SORL1: variants seen among roughly 807,000 people sequenced by gnomAD.
The protein encoded by SORL1 is sortilin-related receptor.
SORL1 carries 127 observed loss-of-function variants against 273.7 expected under a neutral mutation model. That is an observed-to-expected ratio of 0.46 (90% CI 0.40 to 0.54). The LOEUF (loss-of-function observed/expected upper bound fraction) is 0.54, where lower values mean the gene tolerates loss of function less well. SORL1 is among the 20% of genes least tolerant of loss of function. The pLI, the probability that SORL1 is intolerant of heterozygous loss-of-function variation, is 0.00. For missense variants in SORL1, 2,494 were observed against 2,846.1 expected (o/e 0.88, Z 2.81); for synonymous variants, 1,031 against 1,067.4 (o/e 0.97, Z 0.66).
At chr11:121,513,241 A>G in intron 7 of SORL1, 137 bp downstream of exon 7, 1 of 694,860 alleles carries the variant, frequency 1.4e-6, no homozygotes, top group Admixed American at 2.1e-5. Context: ...TAGAGAGTGC[A>G]GCTATGCTTT....
chr11:121,589,458 G>T, intron 29 of SORL1, 68 bp downstream of exon 29: 2 of 1,585,242 alleles, frequency 1.3e-6, no homozygotes, highest in Non-Finnish European at 1.7e-6. Flanking sequence ...CAGTTACAGG[G>T]ACACTCACCG....
chr11:121,625,035 G>A, intron 45 of SORL1, 50 bp from the exon 46 acceptor site: 1 of 1,363,782 alleles, frequency 7.3e-7, no homozygotes, highest in Non-Finnish European at 1.0e-6. Flanking sequence ...AATAGAGGCT[G>A]TCAGTTTCCA....
At chr11:121,602,985 A>G (rs1378680738) in intron 32 of SORL1, among the ~76,000 whole-genome samples, 2 of 152,182 alleles carry the variant, frequency 1.3e-5, no homozygotes, top group Non-Finnish European at 2.9e-5. Context: ...TTTCAAAGCC[A>G]GTGATGTTGC....
intron 41 of SORL1, among the ~76,000 whole-genome samples, chr11:121,615,597 A>G (rs759186323): frequency 1.3e-5 from 2 of 152,148 alleles, no homozygotes; most frequent in Non-Finnish European, 2.9e-5. Context: ...GATTTTCTCA[A>G]TGGAAAAGCA....
intron 44 of SORL1, among the ~76,000 whole-genome samples, chr11:121,621,694 G>A (rs1355451959): frequency 6.6e-6 from 1 of 152,216 alleles, no homozygotes; most frequent in Non-Finnish European, 1.5e-5. Flanking sequence ...CAAGTTCAGA[G>A]AGCTGGTAGT....
chr11:121,515,881 A>G (rs1238252978), intron 8 of SORL1, among the ~76,000 whole-genome samples: 1 of 152,140 alleles, frequency 6.6e-6, no homozygotes. Flanking sequence ...TCCTGACCTC[A>G]AGTGATCTGC....
intron 12 of SORL1, among the ~76,000 whole-genome samples, chr11:121,541,500 ACGCCTAGCCAAAT>A (rs1862349904): frequency 6.6e-6 from 1 of 152,174 alleles, no homozygotes; most frequent in Non-Finnish European, 1.5e-5. Context: ...ATGTGCCACC[ACGCCTAGCCAAAT>A]CGATTTTAAT....
chr11:121,579,014 T>C (rs1211750601), intron 25 of SORL1, among the ~76,000 whole-genome samples: 1 of 152,250 alleles, frequency 6.6e-6, no homozygotes, highest in African/African-American at 2.4e-5. Flanking sequence ...CACTTGGACA[T>C]TGCAGTTTGT....
At chr11:121,626,388 A>G (rs1333144519) in intron 46 of SORL1, 1 of 148,682 alleles carries the variant, frequency 6.7e-6, no homozygotes, top group Non-Finnish European at 1.5e-5. Flanking sequence ...AGCCGCACAC[A>G]CCCCCTTCAT....
chr11:121,579,862 G>A (rs1183675681), intron 25 of SORL1, among the ~76,000 whole-genome samples: 1 of 152,172 alleles, frequency 6.6e-6, no homozygotes, highest in African/African-American at 2.4e-5. Flanking sequence ...AGGAGTCTAT[G>A]AGTGGCAAAC....
chr11:121,456,981 C>A (rs777514705), intron 1 of SORL1, among the ~76,000 whole-genome samples: 3 of 152,136 alleles, frequency 2.0e-5, no homozygotes, highest in Non-Finnish European at 4.4e-5. Flanking sequence ...CTGTGTGCTT[C>A]CAGAATAAGA....
chr11:121,514,541 G>C (rs1382227327), intron 8 of SORL1, among the ~76,000 whole-genome samples: 1 of 151,412 alleles, frequency 6.6e-6, no homozygotes, highest in Admixed American at 6.7e-5. Context: ...TGATTCTTAC[G>C]TGCAGCCAAG....
intron 21 of SORL1, among the ~76,000 whole-genome samples, chr11:121,562,442 A>G (rs776555537): frequency 6.6e-6 from 1 of 152,316 alleles, no homozygotes; most frequent in South Asian, 2.1e-4. Flanking sequence ...GAAATAAACA[A>G]TGTATAAGAT....
chr11:121,615,132 C>T, intron 41 of SORL1, 77 bp downstream of exon 41: 1 of 1,222,842 alleles, frequency 8.2e-7, no homozygotes, highest in Non-Finnish European at 1.1e-6. Context: ...AACTCCAGGG[C>T]TTTTCTCTCT....
intron 1 of SORL1, among the ~76,000 whole-genome samples, chr11:121,465,962 G>T (rs915831412): frequency 6.6e-6 from 1 of 152,128 alleles, no homozygotes; most frequent in Non-Finnish European, 1.5e-5. Context: ...GGTGATCTTT[G>T]GGGGGTGGGG....
intron 6 of SORL1, among the ~76,000 whole-genome samples, chr11:121,506,803 C>G (rs1238210424): frequency 6.6e-6 from 1 of 152,172 alleles, no homozygotes; most frequent in African/African-American, 2.4e-5. Flanking sequence ...AATGTAATTA[C>G]TGAAAGGTAG....
At position 121,534,880 on chromosome 11, in the gene SORL1, C is replaced by T. The variant is rs575335647; in HGVS notation, c.1685+2328C>T. Among the ~76,000 whole-genome samples, 15 of 152,310 alleles carry T rather than the reference C, an allele frequency of 9.8e-5. No homozygotes were observed. The South Asian group carries it at 2.9e-3, about 29-fold the overall frequency. On this transcript the variant is annotated intron_variant, in intron 12 of 47. Coordinates refer to ENST00000260197, the MANE Select transcript of SORL1 (RefSeq NM_003105.6). Reference sequence around the variant, plus strand: ...CAGAGATCTCTTTTCCTTTATGACTCGTAGCATGTATAGGCTGTCCCATTC... The same window carrying T: ...CAGAGATCTCTTTTCCTTTATGACTTGTAGCATGTATAGGCTGTCCCATTC...
intron 12 of SORL1, among the ~76,000 whole-genome samples, chr11:121,533,545 G>A (rs1479439287): frequency 6.6e-6 from 1 of 152,204 alleles, no homozygotes; most frequent in Non-Finnish European, 1.5e-5. Flanking sequence ...TCAAGTTCAT[G>A]CTGGACCACA....
chr11:121,537,527 G>A (rs1218197577), intron 12 of SORL1, among the ~76,000 whole-genome samples: 1 of 152,190 alleles, frequency 6.6e-6, no homozygotes, highest in East Asian at 1.9e-4. Flanking sequence ...ACATGGACAG[G>A]TTGAATTGAA....
Sources: allele counts gnomAD v4.1 joint callset (sites outside exome capture counted in the v4.1 genomes callset), GRCh38; gene constraint gnomAD v4.1.1; transcripts MANE v1.5; gene names NCBI Gene and HGNC (gene_info 2026-07-23, HGNC 2026-07-21).